The following HERC1 variants were observed in gnomAD, a reference collection of about 807,000 sequenced individuals.
HERC1 encodes probable E3 ubiquitin-protein ligase HERC1.
Under a neutral mutation model 554.3 loss-of-function variants are expected in HERC1, and 160 were observed. The observed-to-expected ratio is 0.29, with a 90% confidence interval of 0.25 to 0.33. The LOEUF (loss-of-function observed/expected upper bound fraction) is 0.33. Ranked by LOEUF, HERC1 falls within the 10% of genes least tolerant of loss-of-function variation. The pLI, the probability that HERC1 is intolerant of heterozygous loss-of-function variation, is 1.00. For synonymous variants in HERC1, 2,175 were observed against 2,131.7 expected (o/e 1.02, Z -0.56); for missense variants, 4,919 against 5,918.5 (o/e 0.83, Z 5.54).
In HERC1 at chr15:63,656,180, T is replaced by C; in HGVS notation, c.9778A>G (p.Ile3260Val). 1.2e-6 allele frequency: 2 copies of C among 1,612,700 alleles called. No individual in the cohort carries two copies. Among genetic ancestry groups the C allele is most frequent in the Non-Finnish European group, 1.7e-6 (2 of 1,179,314 alleles). ...RGGHSKANKPISCLAYLSTAV... is the reference protein window; with the variant it reads ...RGGHSKANKPVSCLAYLSTAV... Reference sequence around the variant, plus strand: ...GTGCTCAAATAGGCCAGGCAAGAGATAGGCTTGTTAGCCTTGCTATGCCCA... The same window carrying C: ...GTGCTCAAATAGGCCAGGCAAGAGACAGGCTTGTTAGCCTTGCTATGCCCA... The change falls in exon 49 of 78, where the codon ATC (isoleucine) becomes GTC (valine). Residue 3260 changes from isoleucine (I) to valine (V), a missense_variant. Ile to Val is a conservative substitution (Grantham distance 29). This residue lies in a region of HERC1 where 1,963 missense variants were observed against 2,228.6 expected (regional missense o/e 0.88). Coordinates refer to ENST00000443617, the MANE Select transcript of HERC1 (RefSeq NM_003922.4).
chr15:63,727,346 T>C lies in HERC1; in HGVS notation c.3346+301A>G, dbSNP rs972731069. Among the ~76,000 whole-genome samples the C allele has an allele frequency of 3.9e-5, 6 of 152,106 alleles. No homozygotes were observed. Among genetic ancestry groups the C allele is most frequent in the Admixed American group, 1.3e-4 (2 of 15,260 alleles). On this transcript the variant is annotated intron_variant, in intron 17 of 77. Coordinates refer to ENST00000443617, the MANE Select transcript of HERC1 (RefSeq NM_003922.4). This position sits in a 1 kb window ranked among gnomAD's most constrained non-coding sequence, Gnocchi z 4.3. ...AAGCCTAATCAACATCCTGATATGGTTGTAAATTTGACACTTGGACTAAGT... is the reference window on the plus strand; with the variant it reads ...AAGCCTAATCAACATCCTGATATGGCTGTAAATTTGACACTTGGACTAAGT...
In HERC1 at chr15:63,752,942, C is replaced by T. The variant is rs1475663740; in HGVS notation, c.1902+16G>A. 1 of 1,610,420 alleles carries T rather than the reference C, an allele frequency of 6.2e-7. No homozygotes were observed. The highest frequency in any genetic ancestry group is 2.2e-5 in the East Asian group (1 of 44,844). On this transcript the variant is annotated intron_variant, in intron 8 of 77. Transcript: ENST00000443617. ...TGAAATACTCTAAGTCTTTTATACTCATCCCTTAGTCCTACCTGCCCTGTT... is the reference window on the plus strand; with the variant it reads ...TGAAATACTCTAAGTCTTTTATACTTATCCCTTAGTCCTACCTGCCCTGTT...
In HERC1 at chr15:63,632,786, C is replaced by G. The variant is rs752585991; in HGVS notation, c.12719G>C (p.Gly4240Ala). 17 of 1,567,040 alleles carry G rather than the reference C, an allele frequency of 1.1e-5. No homozygotes were observed. The highest frequency in any genetic ancestry group is 1.5e-5 in the Non-Finnish European group (17 of 1,154,118). ...AGTTCCACAAGCAACCTTTTTTATT[C>G]CAATTCCACAAAGGACGTCAATTTT... The part of the protein sequence containing the change: ...PQKIDVLCGI[G>A]IKKVACGTQF... Residue 4240 changes from glycine (G) to alanine (A), a missense_variant, in exon 68 of 78, where the codon GGA (glycine) becomes GCA (alanine). Physicochemically the swap from Gly to Ala is moderately conservative, Grantham distance 60 (BLOSUM62 0). Transcript: ENST00000443617.
intron 1 of HERC1, among the ~76,000 whole-genome samples, chr15:63,825,769 T>A (rs10152714): frequency 0.49 from 72,350 of 149,118 alleles, 18,111 homozygotes; most frequent in Non-Finnish European, 0.55. Flanking sequence ...AAAATAATAA[T>A]TTTTTTTTTT....
chr15:63,743,267 T>C (rs1380016250), intron 12 of HERC1, among the ~76,000 whole-genome samples: 4 of 144,244 alleles, frequency 2.8e-5, no homozygotes, highest in East Asian at 3.9e-4. Context: ...CTTTTTCTTT[T>C]TTTTTTTTTT....
Position 63,712,863 on chromosome 15 carries a change from A to C in HERC1, c.4496T>G (p.Val1499Gly). ...SESLTAESRL[V>G]HTSPNYRLIK... ...CAGTCTATAATTTGGGCTTGTGTGGACTAGCCGGCTCTCTGCAGTAAGACT... is the reference window on the plus strand; with the variant it reads ...CAGTCTATAATTTGGGCTTGTGTGGCCTAGCCGGCTCTCTGCAGTAAGACT... Residue 1499 changes from valine (V) to glycine (G), a missense_variant, in exon 24 of 78, where the codon GTC (valine) becomes GGC (glycine). Transcript: ENST00000443617. The C allele has an allele frequency of 6.2e-7, 1 of 1,613,720 alleles. No individual in the cohort carries two copies. Among genetic ancestry groups the C allele is most frequent in the South Asian group, 1.1e-5 (1 of 91,052 alleles).
chr15:63,696,387 G>T, intron 26 of HERC1, 48 bp from the exon 27 acceptor site: 1 of 1,353,960 alleles, frequency 7.4e-7, no homozygotes, highest in Non-Finnish European at 1.0e-6. Flanking sequence ...ACTCAGACAT[G>T]ATGAAACTCT....
At position 63,678,203 on chromosome 15, in the gene HERC1, T is replaced by G; in HGVS notation, c.6712A>C (p.Met2238Leu). ...ATCTTAATTTTGTGAAGCCTTTCCA[T>G]CATTTTTTTGTTAATGCAGTAAGTC... ...RWTYCINKKM[M>L]ERLHKIKICI... Residue 2238 changes from methionine (M) to leucine (L), a missense_variant, in exon 37 of 78, where the codon ATG becomes CTG. This residue lies in a region of HERC1 where 1,963 missense variants were observed against 2,228.6 expected (regional missense o/e 0.88). Transcript: ENST00000443617. 1 of 1,613,964 alleles carries G rather than the reference T, an allele frequency of 6.2e-7. No individual in the cohort carries two copies. The highest frequency in any genetic ancestry group is 8.5e-7 in the Non-Finnish European group (1 of 1,179,882).
intron 19 of HERC1, among the ~76,000 whole-genome samples, chr15:63,720,493 T>G (rs778053921): frequency 6.6e-6 from 1 of 152,100 alleles, no homozygotes; most frequent in Non-Finnish European, 1.5e-5. Context: ...TCAAATTAAT[T>G]TTGGTTCTTA....
chr15:63,783,074 A>C (rs2143399726), intron 1 of HERC1, among the ~76,000 whole-genome samples: 1 of 152,386 alleles, frequency 6.6e-6, no homozygotes, highest in East Asian at 1.9e-4. Context: ...CTGAAATGAC[A>C]ACAAAGGATT....
Position 63,635,991 on chromosome 15 carries a change from G to C in HERC1, c.12384C>G (p.Ile4128Met), listed in dbSNP as rs2228509. ...CCACTTCTTCTCCTTGTAAGGCCTC[G>C]ATCTGCCTGGGCCGCCGCTGCCTGT... The part of the protein sequence containing the change: ...NSDRQRRPRQ[I>M]EALQGEEVVQ... Residue 4128 changes from isoleucine to methionine, a missense_variant, in exon 65 of 78, where the codon ATC becomes ATG. Physicochemically the swap from Ile to Met is conservative, Grantham distance 10 (BLOSUM62 1). This residue lies in a region of HERC1 where 122 missense variants were observed against 195.2 expected (regional missense o/e 0.63). Transcript: ENST00000443617. The C allele has an allele frequency of 3.1e-6, 5 of 1,613,720 alleles. No individual in the cohort carries two copies. Among genetic ancestry groups the C allele is most frequent in the Non-Finnish European group, 4.2e-6 (5 of 1,179,844 alleles).
intron 1 of HERC1, among the ~76,000 whole-genome samples, chr15:63,802,101 C>A (rs2077009552): frequency 6.6e-6 from 1 of 152,022 alleles, no homozygotes; most frequent in African/African-American, 2.4e-5. Flanking sequence ...GAGGAAGAGC[C>A]CATTTGCAAA....
In HERC1 at chr15:63,609,080, G is replaced by A. The variant is rs1483338115; in HGVS notation, c.*1C>T. ...AAGGGAGGGTGAGAGCACCCGCACG[G>A]TCAGTAGTCAGTGTCGGAGCCCTCG... On this transcript the variant is annotated 3_prime_UTR_variant, in exon 78 of 78. Coordinates refer to ENST00000443617, the MANE Select transcript of HERC1 (RefSeq NM_003922.4). 1.2e-6 allele frequency: 2 copies of A among 1,612,748 alleles called. No homozygotes were observed. The highest frequency in any genetic ancestry group is 3.3e-5 in the Admixed American group (2 of 59,920).
intron 1 of HERC1, among the ~76,000 whole-genome samples, chr15:63,830,956 G>A (rs1328939825): frequency 6.6e-6 from 1 of 152,192 alleles, no homozygotes; most frequent in Admixed American, 6.5e-5. Flanking sequence ...GCTAGCAGAT[G>A]TGACCTTCCT....
At position 63,734,881 on chromosome 15, in the gene HERC1, G is replaced by C; in HGVS notation, c.2521-32C>G. The C allele has an allele frequency of 6.3e-7, 1 of 1,587,278 alleles. No homozygotes were observed. The highest frequency in any genetic ancestry group is 8.6e-7 in the Non-Finnish European group (1 of 1,165,800). On this transcript the variant is annotated intron_variant, in intron 12 of 77. Transcript: ENST00000443617. This position sits in a 1 kb window ranked among gnomAD's most constrained non-coding sequence, Gnocchi z 4.6. Reference sequence around the variant, plus strand: ...TCAAAAGAGAAAAGTATACTGATTGGCCTGGTTCTTAGTTTTTAATAAAAA... The same window carrying C: ...TCAAAAGAGAAAAGTATACTGATTGCCCTGGTTCTTAGTTTTTAATAAAAA...
intron 1 of HERC1, among the ~76,000 whole-genome samples, chr15:63,810,593 T>C (rs548277052): frequency 4.1e-4 from 63 of 152,338 alleles, no homozygotes; most frequent in Non-Finnish European, 7.2e-4. Context: ...TTTTTTATAC[T>C]ATGTAAGTTT....
intron 59 of HERC1, among the ~76,000 whole-genome samples, chr15:63,642,414 T>C (rs1223224048): frequency 6.6e-6 from 1 of 152,166 alleles, no homozygotes; most frequent in Non-Finnish European, 1.5e-5. Context: ...CTCGGCTCAC[T>C]GCAACCTCTG....
At chr15:63,702,212 C>A (rs1297563142) in intron 25 of HERC1, among the ~76,000 whole-genome samples, 1 of 152,042 alleles carries the variant, frequency 6.6e-6, no homozygotes, top group Non-Finnish European at 1.5e-5. Context: ...CACTACCACA[C>A]GAGAATCAGA....
At chr15:63,730,026 CAAAAAAAAAAA>C (rs57121923) in intron 14 of HERC1, among the ~76,000 whole-genome samples, 2 of 71,482 alleles carry the variant, frequency 2.8e-5, no homozygotes, top group African/African-American at 5.4e-5. Context: ...AACTATGTCT[CAAAAAAAAAAA>C]AAAAAAAAAA....
Sources: allele counts gnomAD v4.1 joint callset (sites outside exome capture counted in the v4.1 genomes callset), GRCh38; gene constraint gnomAD v4.1.1; regional missense constraint gnomAD v4.1.1; non-coding constraint Gnocchi (gnomAD v3.1); transcripts MANE v1.5; gene names NCBI Gene and HGNC (gene_info 2026-07-23, HGNC 2026-07-21).